ZFHX3: variants seen among roughly 807,000 people sequenced by gnomAD.
The protein encoded by ZFHX3 is zinc finger homeobox 3.
Under a neutral mutation model 279.1 loss-of-function variants are expected in ZFHX3, and 42 were observed. The ratio of observed to expected loss-of-function variants is 0.15; its 90% CI spans 0.12 to 0.19. The LOEUF (loss-of-function observed/expected upper bound fraction) is 0.19, where lower values mean the gene tolerates loss of function less well. ZFHX3 is among the 10% of genes least tolerant of loss of function. The pLI is 1.00. For synonymous variants in ZFHX3, 2,293 were observed against 1,957.8 expected (o/e 1.17, Z -4.52); for missense variants, 4,981 against 4,754.0 (o/e 1.05, Z -1.40).
intron 4 of ZFHX3, among the ~76,000 whole-genome samples, chr16:72,877,234 CA>C (rs1048611761): frequency 2.0e-5 from 3 of 152,150 alleles, no homozygotes; most frequent in African/African-American, 7.2e-5. Flanking sequence ...CCTGTCTGTC[CA>C]AGGCCAGCTA....
At chr16:73,279,365 G>A (rs1360775238) in intron 4 of ZFHX3, among the ~76,000 whole-genome samples, 1 of 152,016 alleles carries the variant, frequency 6.6e-6, no homozygotes, top group African/African-American at 2.4e-5. Context: ...AGTATACAGT[G>A]TATTTACGTT....
intron 2 of ZFHX3, among the ~76,000 whole-genome samples, chr16:73,624,472 A>G (rs1210591130): frequency 6.6e-6 from 1 of 151,846 alleles, no homozygotes; most frequent in East Asian, 1.9e-4. Flanking sequence ...GTCAGGGGGC[A>G]GGAGGGAGGA....
At chr16:72,902,032 CACTTTA>C (rs1384706009) in intron 3 of ZFHX3, among the ~76,000 whole-genome samples, 1 of 152,200 alleles carries the variant, frequency 6.6e-6, no homozygotes, top group African/African-American at 2.4e-5. Context: ...AACTCTGTGG[CACTTTA>C]ACTTTAAATA....
intron 2 of ZFHX3, among the ~76,000 whole-genome samples, chr16:73,659,891 G>A (rs2052762745): frequency 6.6e-6 from 1 of 152,244 alleles, no homozygotes; most frequent in South Asian, 2.1e-4. Flanking sequence ...CCACCCAAAT[G>A]AACATGGATT....
chr16:73,585,186 G>A (rs2051912096), intron 2 of ZFHX3, among the ~76,000 whole-genome samples: 1 of 152,206 alleles, frequency 6.6e-6, no homozygotes, highest in South Asian at 2.1e-4. Flanking sequence ...GGGAGGCCGA[G>A]GTGGGCGGAT....
chr16:73,547,133 A>G (rs865896950), intron 2 of ZFHX3, among the ~76,000 whole-genome samples: 4 of 152,140 alleles, frequency 2.6e-5, no homozygotes, highest in South Asian at 4.1e-4. Context: ...TAGGATGGAG[A>G]GATTTATTCT....
intron 4 of ZFHX3, among the ~76,000 whole-genome samples, chr16:73,277,455 T>C (rs1017433462): frequency 6.6e-6 from 1 of 152,154 alleles, no homozygotes; most frequent in Non-Finnish European, 1.5e-5. Context: ...ATGAAATCTT[T>C]ATTAAAATCC....
rs957141982 is a variant in ZFHX3, at chr16:73,356,419, C to T, written c.-1290-38083G>A. Among the ~76,000 whole-genome samples the T allele has an allele frequency of 8.6e-5, 13 of 152,022 alleles. 1 individual carries two copies. Among genetic ancestry groups the T allele is most frequent in the Non-Finnish European group, 1.3e-4 (9 of 67,994 alleles). ...CTAATTGGATTGACCTAGAGCAAGA[C>T]GGTGATGTTGGCAAAGTCGGTGCTC... On this transcript the variant is annotated intron_variant, in intron 3 of 17. Transcript: ENST00000641206.
chr16:72,919,608 T>C (rs2039531075), intron 3 of ZFHX3, among the ~76,000 whole-genome samples: 1 of 152,022 alleles, frequency 6.6e-6, no homozygotes, highest in African/African-American at 2.4e-5. Context: ...AATCATCACA[T>C]TCTATCACTA....
chr16:73,534,067 C>A (rs1013551644), intron 2 of ZFHX3, among the ~76,000 whole-genome samples: 16 of 152,152 alleles, frequency 1.1e-4, no homozygotes, highest in African/African-American at 3.6e-4. Context: ...GATGGCTCCT[C>A]CTTTCATTCA....
intron 2 of ZFHX3, among the ~76,000 whole-genome samples, chr16:73,530,943 C>G (rs981362566): frequency 6.6e-5 from 10 of 152,218 alleles, no homozygotes; most frequent in Non-Finnish European, 1.5e-4. Flanking sequence ...CAGTTCTGCA[C>G]TGGAGAAACA....
intron 7 of ZFHX3, among the ~76,000 whole-genome samples, chr16:73,128,330 T>A (rs1160905306): frequency 6.6e-6 from 1 of 152,204 alleles, no homozygotes; most frequent in Non-Finnish European, 1.5e-5. Flanking sequence ...TGTTCACAGG[T>A]GCAGGCACGG....
chr16:72,895,109 G>A (rs1355295069), intron 3 of ZFHX3, among the ~76,000 whole-genome samples: 3 of 152,126 alleles, frequency 2.0e-5, no homozygotes, highest in Non-Finnish European at 4.4e-5. Flanking sequence ...TCTACAACAC[G>A]AGACACTGCA....
intron 2 of ZFHX3, among the ~76,000 whole-genome samples, chr16:73,471,239 C>G (rs2018660847): frequency 6.6e-6 from 1 of 152,094 alleles, no homozygotes; most frequent in Non-Finnish European, 1.5e-5. Context: ...GCTGTTTTTA[C>G]AAAAAGGCAA....
chr16:73,159,420 C>A (rs1006611050), intron 5 of ZFHX3, among the ~76,000 whole-genome samples: 2 of 152,114 alleles, frequency 1.3e-5, no homozygotes, highest in Non-Finnish European at 2.9e-5. Context: ...TGACACAAAC[C>A]CAAACTGGAA....
intron 2 of ZFHX3, among the ~76,000 whole-genome samples, chr16:73,579,663 G>T (rs1247449560): frequency 6.7e-6 from 1 of 149,264 alleles, no homozygotes; most frequent in Non-Finnish European, 1.5e-5. Flanking sequence ...CACCATGCCT[G>T]GCTAATTTTT....
intron 1 of ZFHX3, among the ~76,000 whole-genome samples, chr16:73,871,031 G>A (rs570891140): frequency 7.9e-4 from 121 of 152,246 alleles, no homozygotes; most frequent in African/African-American, 2.8e-3. Context: ...AGATTGCAAG[G>A]AAGCCATGCA....
chr16:73,145,760 C>T (rs958710963), intron 5 of ZFHX3, among the ~76,000 whole-genome samples: 1 of 152,208 alleles, frequency 6.6e-6, no homozygotes, highest in Non-Finnish European at 1.5e-5. Flanking sequence ...GGGAAGGCAC[C>T]AACCTCGTAT....
intron 1 of ZFHX3, among the ~76,000 whole-genome samples, chr16:73,717,689 C>A (rs1273121148): frequency 2.0e-5 from 3 of 152,186 alleles, no homozygotes; most frequent in African/African-American, 7.2e-5. Flanking sequence ...TCTCTTCCCC[C>A]CAGTTCCTAA....
Sources: allele counts gnomAD v4.1 joint callset (sites outside exome capture counted in the v4.1 genomes callset), GRCh38; gene constraint gnomAD v4.1.1; transcripts MANE v1.5; gene names NCBI Gene and HGNC (gene_info 2026-07-23, HGNC 2026-07-21).